SASH1: variants seen among roughly 807,000 people sequenced by gnomAD.
SASH1 encodes SAM and SH3 domain containing 1, also known as SAM and SH3 domain-containing protein 1.
A neutral mutation model predicts 125.2 loss-of-function variants in SASH1; 44 were observed. The observed-to-expected ratio is 0.35, with a 90% CI of 0.28 to 0.45. The LOEUF is 0.45. SASH1 is among the 20% of genes least tolerant of loss of function. The pLI is 1.00. For missense variants in SASH1, 1,426 were observed against 1,614.5 expected, an observed-to-expected ratio of 0.88 and a Z score of 2.00; for synonymous variants, 639 against 649.1, an observed-to-expected ratio of 0.98 and a Z score of 0.24.
chr6:148,487,575 C>A, intron 7 of SASH1, 39 bp from the exon 8 acceptor site: 1 of 1,458,582 alleles, frequency 6.9e-7, no homozygotes, highest in Non-Finnish European at 9.6e-7. Context: ...AGTGTCTGGC[C>A]ATTCTTTCCA....
intron 2 of SASH1, chr6:148,393,712 T>TG (rs1407737473): frequency 1.0e-6 from 1 of 985,320 alleles, no homozygotes; most frequent in Non-Finnish European, 1.2e-6. Flanking sequence ...GAAGACAGTC[T>TG]GGGGGGAGAA....
At chr6:148,458,403 G>A (rs1777457333) in intron 4 of SASH1, among the ~76,000 whole-genome samples, 1 of 152,132 alleles carries the variant, frequency 6.6e-6, no homozygotes, top group African/African-American at 2.4e-5. Flanking sequence ...AAGGTGTACT[G>A]CTACCCCAAA....
intron 8 of SASH1, chr6:148,513,194 T>A (rs996174724): frequency 1.0e-6 from 1 of 985,356 alleles, no homozygotes; most frequent in Non-Finnish European, 1.2e-6. Context: ...ACATTAGATT[T>A]GTATTCAGAG....
intron 1 of SASH1, among the ~76,000 whole-genome samples, chr6:148,274,971 A>G (rs1003952689): frequency 6.6e-6 from 1 of 152,164 alleles, no homozygotes; most frequent in South Asian, 2.1e-4. Flanking sequence ...CAGGGATTCA[A>G]TGACCTACCA....
intron 1 of SASH1, among the ~76,000 whole-genome samples, chr6:148,296,676 A>G (rs192987266): frequency 2.6e-5 from 4 of 152,330 alleles, no homozygotes; most frequent in African/African-American, 4.8e-5. Context: ...TGGGACCTAC[A>G]GTCTCCCTAA....
chr6:148,454,145 G>A (rs1188922407), intron 4 of SASH1, among the ~76,000 whole-genome samples: 1 of 152,142 alleles, frequency 6.6e-6, no homozygotes, highest in Non-Finnish European at 1.5e-5. Flanking sequence ...CGGGTGCAGA[G>A]GGCCTGCAGG....
At chr6:148,392,901 A>G (rs1435696947) in intron 2 of SASH1, among the ~76,000 whole-genome samples, 3 of 152,162 alleles carry the variant, frequency 2.0e-5, no homozygotes, top group Non-Finnish European at 2.9e-5. Context: ...TTTATGTGTC[A>G]AAAGACTCCC....
At chr6:148,522,510 A>T (rs1346169830) in intron 10 of SASH1, among the ~76,000 whole-genome samples, 1 of 152,220 alleles carries the variant, frequency 6.6e-6, no homozygotes, top group Non-Finnish European at 1.5e-5. Context: ...ATGAAGCCTC[A>T]GGGAAATGAT....
Position 148,326,323 on chromosome 6 carries a change from CATATATATAT to C in SASH1, n.74+53971_74+53980del, listed in dbSNP as rs56276306. 2.7e-3 allele frequency among the ~76,000 whole-genome samples: 27 copies of C among 9,824 alleles called. 2 individuals are homozygous for C. The highest frequency in any genetic ancestry group is 0.01 in the East Asian group (2 of 200). 6.4% of individuals were successfully genotyped at this position (9,824 alleles called of 152,430 possible). ...GATTACAGGAGTGAGCCACCGCATGCATATATATATATATATATATATATATATATATATG... is the reference window on the plus strand; with the variant it reads ...GATTACAGGAGTGAGCCACCGCATGCATATATATATATATATATATATATG... On this transcript the variant is annotated intron_variant and non_coding_transcript_variant, in intron 1 of 3. Coordinates refer to the SASH1 transcript ENST00000367469.
intron 8 of SASH1, chr6:148,508,666 T>G: frequency 8.5e-7 from 1 of 1,171,872 alleles, no homozygotes; most frequent in Non-Finnish European, 1.1e-6. Flanking sequence ...ATCCAGTGTC[T>G]TCCCCTTTCT....
chr6:148,529,227 G>A lies in SASH1; in HGVS notation c.1428+1631G>A, dbSNP rs1215316360. On this transcript the variant is annotated intron_variant, in intron 12 of 19. Coordinates refer to ENST00000367467, the MANE Select transcript of SASH1 (RefSeq NM_015278.5). The surrounding 1 kb of genome is among the most constrained non-coding windows in gnomAD (Gnocchi z 4.2). ...CGTGGCCCGGGAGTTGGAGAATGCT[G>A]ATCTAGAGGATAGAGGCCAGGGACG... Among the ~76,000 whole-genome samples the A allele has an allele frequency of 6.6e-6, 1 of 152,152 alleles. No homozygotes were observed. Among genetic ancestry groups the A allele is most frequent in the East Asian group, 1.9e-4 (1 of 5,188 alleles).
In SASH1 at chr6:148,550,058, A is replaced by G. The variant is rs1026690209; in HGVS notation, c.*1500A>G. On this transcript the variant is annotated 3_prime_UTR_variant, in exon 20 of 20. Transcript: ENST00000367467. ...CTCAACTCCTGACCTCAGGTGGTCC[A>G]CCCGCCTCAGCCTCCCAAAGTGCTG... 6.6e-6 allele frequency: 1 copy of G among 152,086 alleles called. No individual in the cohort carries two copies. Among genetic ancestry groups the G allele is most frequent in the African/African-American group, 2.4e-5 (1 of 41,370 alleles). 9.4% of individuals were successfully genotyped at this position (152,086 alleles called of 1,614,324 possible). A position where few individuals can be genotyped will look rare whatever the true frequency, so the allele number is the denominator to read the frequency against.
intron 7 of SASH1, among the ~76,000 whole-genome samples, chr6:148,477,348 A>G (rs1324380924): frequency 6.6e-6 from 1 of 152,236 alleles, no homozygotes; most frequent in Non-Finnish European, 1.5e-5. Context: ...TATATGTGGA[A>G]CTCAAACAAC....
intron 19 of SASH1, among the ~76,000 whole-genome samples, 176 bp downstream of exon 19, chr6:148,546,322 GAA>G (rs144729413): frequency 1.3e-5 from 2 of 148,290 alleles, no homozygotes; most frequent in East Asian, 3.9e-4. Flanking sequence ...CTTTCAGAAA[GAA>G]AAAAAAAATG....
At chr6:148,244,652 G>A in the SASH1 span, among the ~76,000 whole-genome samples, 10 of 152,220 alleles carry the variant, frequency 6.6e-5, no homozygotes, top group Admixed American at 2.0e-4. Flanking sequence ...GTTTGGAGAA[G>A]AAGCTCCTGC....
chr6:148,332,401 G>A (rs1390074683), intron 1 of SASH1, among the ~76,000 whole-genome samples: 1 of 152,038 alleles, frequency 6.6e-6, no homozygotes, highest in Non-Finnish European at 1.5e-5. Flanking sequence ...AAAATAAATT[G>A]GACTATTTAT....
chr6:148,487,207 C>T (rs1778916089), intron 7 of SASH1, among the ~76,000 whole-genome samples: 1 of 149,978 alleles, frequency 6.7e-6, no homozygotes, highest in African/African-American at 2.5e-5. Flanking sequence ...AAAGGGCATG[C>T]ATGTTTTTGA....
intron 1 of SASH1, among the ~76,000 whole-genome samples, chr6:148,292,551 G>C (rs966727885): frequency 3.3e-5 from 5 of 152,126 alleles, no homozygotes; most frequent in Admixed American, 3.3e-4. Context: ...CCTTGAGAAG[G>C]CTCTGCCCTA....
the SASH1 span, among the ~76,000 whole-genome samples, chr6:148,257,917 C>G: frequency 6.6e-6 from 1 of 152,156 alleles, no homozygotes; most frequent in East Asian, 1.9e-4. Context: ...GCTGAGCCAC[C>G]ACACCTGGCC....
Sources: allele counts gnomAD v4.1 joint callset (sites outside exome capture counted in the v4.1 genomes callset), GRCh38; gene constraint gnomAD v4.1.1; non-coding constraint Gnocchi (gnomAD v3.1); transcripts MANE v1.5; gene names NCBI Gene and HGNC (gene_info 2026-07-23, HGNC 2026-07-21).